Variants in MRPS9 observed in about 807,000 individuals in gnomAD.
MRPS9 encodes mitochondrial ribosomal protein S9.
In MRPS9, 45 loss-of-function variants were observed where a neutral mutation model predicts 59.9. The observed-to-expected ratio is 0.75, with a 90% CI of 0.59 to 0.96. MRPS9 has a LOEUF of 0.96. Ranked by LOEUF, MRPS9 falls within the 40% of genes least tolerant of loss-of-function variation. The pLI is 0.00. For missense variants in MRPS9, 473 were observed against 481.1 expected, an observed-to-expected ratio of 0.98 and a Z score of 0.16; for synonymous variants, 171 against 166.8, an observed-to-expected ratio of 1.03 and a Z score of -0.19.
intron 1 of MRPS9, among the ~76,000 whole-genome samples, chr2:105,047,010 G>A (rs1405095728): frequency 6.6e-6 from 1 of 151,878 alleles, no homozygotes; most frequent in African/African-American, 2.4e-5. Flanking sequence ...AAATCCCCTG[G>A]AAAACAGTAA....
At chr2:105,093,506 A>G (rs1680599925) in intron 8 of MRPS9, 24 bp from the exon 9 acceptor site, 1 of 1,404,368 alleles carries the variant, frequency 7.1e-7, no homozygotes, top group African/African-American at 1.4e-5. Context: ...GATATTTACT[A>G]ATAGGAATTT....
chr2:105,041,579 TTATC>T, intron 1 of MRPS9, among the ~76,000 whole-genome samples: 1 of 152,224 alleles, frequency 6.6e-6, no homozygotes, highest in South Asian at 2.1e-4. Flanking sequence ...TATCCTGTAT[TTATC>T]ACAGCATTCT....
intron 7 of MRPS9, among the ~76,000 whole-genome samples, chr2:105,090,408 T>A (rs1396151710): frequency 6.6e-6 from 1 of 152,258 alleles, no homozygotes; most frequent in East Asian, 1.9e-4. Flanking sequence ...CTTCATGCAG[T>A]TTACTGCTTA....
intron 2 of MRPS9, among the ~76,000 whole-genome samples, chr2:105,051,778 T>C (rs571119625): frequency 2.6e-4 from 38 of 145,412 alleles, no homozygotes; most frequent in African/African-American, 9.2e-4. Flanking sequence ...TATTTCTAAG[T>C]ATTAATGTCT....
chr2:105,038,165 G>C lies in MRPS9; in HGVS notation c.73G>C (p.Ala25Pro). 2 of 1,613,524 alleles carry C rather than the reference G, an allele frequency of 1.2e-6. No homozygotes were observed. The highest frequency in any genetic ancestry group is 4.5e-5 in the East Asian group (2 of 44,860). The change falls in exon 1 of 11, where the codon GCC (alanine) becomes CCC (proline). Residue 25 changes from alanine (A) to proline (P), a missense_variant. Ala to Pro is a conservative substitution (Grantham distance 27). Transcript: ENST00000258455. ...TCTTCTCTGGGGTAGGGGTAGCCTC[G>C]CCCGGAAGCAAGGCCTCTGGAAAAC... ...RLLLWGRGSL[A>P]RKQGLWKTAA...
At chr2:105,052,747 G>A (rs1273137798) in intron 2 of MRPS9, among the ~76,000 whole-genome samples, 1 of 152,064 alleles carries the variant, frequency 6.6e-6, no homozygotes, top group Non-Finnish European at 1.5e-5. Flanking sequence ...CTGGGCCTGG[G>A]CTTTTCTTTG....
chr2:105,089,825 C>G, intron 6 of MRPS9, 95 bp from the exon 7 acceptor site: 1 of 790,746 alleles, frequency 1.3e-6, no homozygotes, highest in Non-Finnish European at 2.0e-6. Flanking sequence ...AACTGATTTT[C>G]AAATCATAAA....
intron 5 of MRPS9, among the ~76,000 whole-genome samples, chr2:105,084,018 G>C (rs930037493): frequency 6.6e-6 from 1 of 152,014 alleles, no homozygotes; most frequent in African/African-American, 2.4e-5. Flanking sequence ...TTTTACGACT[G>C]ATATCAGCCC....
intron 1 of MRPS9, chr2:105,038,577 C>T (rs912999045): frequency 1.0e-5 from 2 of 200,920 alleles, no homozygotes; most frequent in Non-Finnish European, 1.0e-5. Context: ...AGGAGGGCCG[C>T]GCCAGAGAAG....
intron 2 of MRPS9, among the ~76,000 whole-genome samples, chr2:105,058,347 C>T (rs1010340458): frequency 1.3e-5 from 2 of 152,102 alleles, no homozygotes; most frequent in Non-Finnish European, 2.9e-5. Flanking sequence ...AGCTGCAAAC[C>T]CACTGCCCAG....
intron 7 of MRPS9, chr2:105,091,465 T>C (rs1248610926): frequency 2.2e-6 from 1 of 447,866 alleles, no homozygotes; most frequent in Non-Finnish European, 4.7e-6. Context: ...ACTAGAAGAG[T>C]GCCTTCTCTT....
intron 1 of MRPS9, among the ~76,000 whole-genome samples, chr2:105,044,274 A>T (rs1051803755): frequency 6.6e-6 from 1 of 152,090 alleles, no homozygotes; most frequent in African/African-American, 2.4e-5. Context: ...TCCCTTCAAG[A>T]ATTCTTGGTG....
chr2:105,061,417 CA>C (rs1679901372), intron 2 of MRPS9, among the ~76,000 whole-genome samples: 1 of 152,130 alleles, frequency 6.6e-6, no homozygotes, highest in Non-Finnish European at 1.5e-5. Context: ...GCTGCTGCTA[CA>C]GGGGTAGTAT....
chr2:105,071,853 A>C, intron 4 of MRPS9, among the ~76,000 whole-genome samples: 1 of 152,170 alleles, frequency 6.6e-6, no homozygotes, highest in East Asian at 1.9e-4. Flanking sequence ...CACTGACTGT[A>C]GATTTTCTTT....
At chr2:105,066,166 TC>T (rs2104451412) in intron 2 of MRPS9, among the ~76,000 whole-genome samples, 1 of 152,346 alleles carries the variant, frequency 6.6e-6, no homozygotes, top group East Asian at 1.9e-4. Context: ...CATTTTTCTT[TC>T]ATCTTTTGTT....
chr2:105,040,051 C>T (rs749416284), intron 1 of MRPS9, among the ~76,000 whole-genome samples: 1 of 152,198 alleles, frequency 6.6e-6, no homozygotes, highest in Non-Finnish European at 1.5e-5. Flanking sequence ...AATACTACTA[C>T]AGCATATATT....
At chr2:105,068,708 TAC>T (rs1333457461) in intron 2 of MRPS9, among the ~76,000 whole-genome samples, 2 of 152,256 alleles carry the variant, frequency 1.3e-5, no homozygotes, top group African/African-American at 4.8e-5. Flanking sequence ...CCTGTATTTA[TAC>T]GTCTTTTCTT....
chr2:105,040,161 C>CT (rs530561604), intron 1 of MRPS9, among the ~76,000 whole-genome samples: 68 of 148,798 alleles, frequency 4.6e-4, no homozygotes, highest in South Asian at 4.1e-3. Context: ...ATTGATAAAG[C>CT]TTTTTTTTTT....
At chr2:105,070,437 T>C (rs1202648251) in intron 2 of MRPS9, among the ~76,000 whole-genome samples, 1 of 152,158 alleles carries the variant, frequency 6.6e-6, no homozygotes, top group African/African-American at 2.4e-5. Context: ...ACATTTACTA[T>C]GCGGGTAGGC....
Sources: allele counts gnomAD v4.1 joint callset (sites outside exome capture counted in the v4.1 genomes callset), GRCh38; gene constraint gnomAD v4.1.1; transcripts MANE v1.5; gene names NCBI Gene and HGNC (gene_info 2026-07-23, HGNC 2026-07-21).